The following TRHDE variants were observed in gnomAD, a reference collection of about 807,000 sequenced individuals.
The protein encoded by TRHDE is thyrotropin releasing hormone degrading enzyme.
TRHDE carries 72 observed loss-of-function variants against 125.7 expected under a neutral mutation model. That is an observed-to-expected ratio of 0.57 (90% CI 0.47 to 0.70). The LOEUF is 0.70. TRHDE is among the 30% of genes least tolerant of loss of function. The probability of loss-of-function intolerance (pLI) is 0.00; values close to 1 mark genes in which losing one functional copy is unlikely to be tolerated. For missense variants in TRHDE, 1,110 were observed against 1,327.1 expected (o/e 0.84, Z 2.54); for synonymous variants, 509 against 509.1 (o/e 1.00, Z 0.00).
intron 3 of TRHDE, among the ~76,000 whole-genome samples, chr12:72,420,212 A>C (rs1403207739): frequency 6.6e-6 from 1 of 152,150 alleles, no homozygotes; most frequent in Admixed American, 6.6e-5. Context: ...AATGCAGTTG[A>C]TCGTCTCTAG....
intron 2 of TRHDE, among the ~76,000 whole-genome samples, chr12:72,144,416 T>A (rs1876183102): frequency 6.6e-6 from 1 of 152,234 alleles, no homozygotes; most frequent in Admixed American, 6.5e-5. Context: ...CATAACTTGC[T>A]CCAAAGTCTG....
intron 2 of TRHDE, among the ~76,000 whole-genome samples, chr12:72,113,625 C>A (rs1875373457): frequency 6.6e-6 from 1 of 151,884 alleles, no homozygotes; most frequent in Non-Finnish European, 1.5e-5. Flanking sequence ...TGATTGGTTC[C>A]TTTGGCAACC....
At chr12:72,616,218 G>T (rs910895337) in intron 12 of TRHDE, among the ~76,000 whole-genome samples, 1 of 151,958 alleles carries the variant, frequency 6.6e-6, no homozygotes, top group African/African-American at 2.4e-5. Context: ...TTCACACAAT[G>T]CCAGAAGTCT....
At position 72,608,919 on chromosome 12, in the gene TRHDE, G is replaced by C. The variant is rs940740737; in HGVS notation, c.2322-9972G>C. On this transcript the variant is annotated intron_variant, in intron 12 of 18. Coordinates refer to ENST00000261180, the MANE Select transcript of TRHDE (RefSeq NM_013381.3). ...CTACCCTTATTTGCAATATGAACCT[G>C]GGGGGGTTAGAAAACTTTTTTGAGC... Among the ~76,000 whole-genome samples, 5 of 152,054 alleles carry C rather than the reference G, an allele frequency of 3.3e-5. No individual in the cohort carries two copies. In the South Asian group the frequency reaches 1.0e-3, roughly 32 times the overall value.
chr12:72,338,954 A>G (rs1240492915), intron 2 of TRHDE, among the ~76,000 whole-genome samples: 1 of 152,214 alleles, frequency 6.6e-6, no homozygotes, highest in Non-Finnish European at 1.5e-5. Context: ...AAAGGATCAT[A>G]TTAAAGTAAA....
chr12:72,308,536 G>C (rs145283113), intron 2 of TRHDE, among the ~76,000 whole-genome samples: 4 of 152,106 alleles, frequency 2.6e-5, no homozygotes, highest in Non-Finnish European at 5.9e-5. Flanking sequence ...AAAGTACCTG[G>C]CTTGTGAAGG....
intron 5 of TRHDE, among the ~76,000 whole-genome samples, chr12:72,478,831 C>G (rs1877017009): frequency 7.1e-6 from 1 of 141,354 alleles, no homozygotes. Flanking sequence ...TGTATGTATT[C>G]AGATAATTCA....
At chr12:72,232,679 G>T (rs1878269443) in intron 2 of TRHDE, among the ~76,000 whole-genome samples, 1 of 152,036 alleles carries the variant, frequency 6.6e-6, no homozygotes, top group Non-Finnish European at 1.5e-5. Flanking sequence ...GTATTCCAGG[G>T]AGGCTCTGAC....
chr12:72,343,528 C>T (rs1328450252), intron 2 of TRHDE, among the ~76,000 whole-genome samples: 1 of 152,056 alleles, frequency 6.6e-6, no homozygotes, highest in African/African-American at 2.4e-5. Context: ...TAACACTCCA[C>T]ATTTTCTTGT....
intron 12 of TRHDE, among the ~76,000 whole-genome samples, chr12:72,591,403 A>G (rs1313490103): frequency 6.6e-6 from 1 of 152,194 alleles, no homozygotes; most frequent in Non-Finnish European, 1.5e-5. Context: ...TAAAATATAG[A>G]AATCCTCCAA....
At chr12:72,298,762 G>T (rs1044793457) in intron 2 of TRHDE, among the ~76,000 whole-genome samples, 1 of 152,126 alleles carries the variant, frequency 6.6e-6, no homozygotes, top group Non-Finnish European at 1.5e-5. Context: ...TTAAAAGCAT[G>T]GAGATAATAC....
intron 2 of TRHDE, among the ~76,000 whole-genome samples, chr12:72,246,893 T>C (rs1276217533): frequency 1.3e-5 from 2 of 152,246 alleles, no homozygotes; most frequent in Admixed American, 6.5e-5. Context: ...TCAGTTCTTT[T>C]ACTCTCTGAC....
At chr12:72,582,906 C>T (rs1871296650) in intron 12 of TRHDE, among the ~76,000 whole-genome samples, 1 of 151,832 alleles carries the variant, frequency 6.6e-6, no homozygotes, top group Non-Finnish European at 1.5e-5. Context: ...TTATTTAATC[C>T]CTATCTTTTT....
chr12:72,339,383 T>A (rs1241109346), intron 2 of TRHDE, among the ~76,000 whole-genome samples: 3 of 152,204 alleles, frequency 2.0e-5, no homozygotes, highest in Non-Finnish European at 4.4e-5. Context: ...TCTTCAAGAC[T>A]ATCTTTCTAT....
At chr12:72,307,546 G>GATT (rs763487780) in intron 2 of TRHDE, among the ~76,000 whole-genome samples, 8 of 152,152 alleles carry the variant, frequency 5.3e-5, no homozygotes, top group Admixed American at 1.3e-4. Context: ...GAGGCAGAGA[G>GATT]ATTATGTAAG....
intron 2 of TRHDE, among the ~76,000 whole-genome samples, chr12:72,343,425 A>T (rs1226501711): frequency 2.0e-5 from 3 of 152,120 alleles, no homozygotes; most frequent in Non-Finnish European, 4.4e-5. Flanking sequence ...CTATGAATGG[A>T]CTTGTATAGT....
chr12:72,135,594 T>C (rs942697268), intron 2 of TRHDE, among the ~76,000 whole-genome samples: 1 of 151,892 alleles, frequency 6.6e-6, no homozygotes, highest in African/African-American at 2.4e-5. Context: ...ATAAAAGGAC[T>C]AGGGAAAAAT....
chr12:72,369,921 T>C (rs945842978), intron 2 of TRHDE, among the ~76,000 whole-genome samples: 1 of 152,136 alleles, frequency 6.6e-6, no homozygotes, highest in African/African-American at 2.4e-5. Flanking sequence ...GAGTAATAAC[T>C]ATGTTTATGA....
At chr12:72,553,560 T>C (rs1332940805) in intron 7 of TRHDE, among the ~76,000 whole-genome samples, 1 of 152,108 alleles carries the variant, frequency 6.6e-6, no homozygotes, top group Admixed American at 6.6e-5. Context: ...ATCAGGGGTC[T>C]TGTCATCTCA....
Sources: allele counts gnomAD v4.1 joint callset (sites outside exome capture counted in the v4.1 genomes callset), GRCh38; gene constraint gnomAD v4.1.1; transcripts MANE v1.5; gene names NCBI Gene and HGNC (gene_info 2026-07-23, HGNC 2026-07-21).